The following NELL1 variants were observed in gnomAD, a reference collection of about 807,000 sequenced individuals.
The protein encoded by NELL1 is neural EGFL like 1.
A neutral mutation model predicts 107.4 loss-of-function variants in NELL1; 76 were observed. That is an observed-to-expected ratio of 0.71 (90% CI 0.59 to 0.86). The LOEUF (loss-of-function observed/expected upper bound fraction) is 0.86, where lower values mean the gene tolerates loss of function less well. Ranked by LOEUF, NELL1 falls within the 40% of genes least tolerant of loss-of-function variation. The probability of loss-of-function intolerance (pLI) is 0.00; values close to 1 mark genes in which losing one functional copy is unlikely to be tolerated. For synonymous variants in NELL1, 353 were observed against 341.2 expected, an observed-to-expected ratio of 1.03 and a Z score of -0.38; for missense variants, 1,024 against 1,005.5, an observed-to-expected ratio of 1.02 and a Z score of -0.25.
chr11:20,736,047 A>T (rs1417771919), intron 2 of NELL1, among the ~76,000 whole-genome samples: 1 of 152,142 alleles, frequency 6.6e-6, no homozygotes, highest in Non-Finnish European at 1.5e-5. Context: ...GGAAAGGGAG[A>T]GGATAATGAA....
intron 15 of NELL1, among the ~76,000 whole-genome samples, chr11:21,470,173 T>A (rs190246012): frequency 2.7e-4 from 41 of 152,170 alleles, no homozygotes; most frequent in Admixed American, 6.6e-5. Flanking sequence ...TGCAGAAACA[T>A]GATCAAGGTT....
At chr11:21,027,704 C>T (rs190337091) in intron 12 of NELL1, among the ~76,000 whole-genome samples, 34 of 152,188 alleles carry the variant, frequency 2.2e-4, no homozygotes, top group African/African-American at 8.2e-4. Flanking sequence ...GGGGAAGGGC[C>T]GTTTTAAAAA....
chr11:20,786,779 T>C lies in NELL1; in HGVS notation c.335+2949T>C, dbSNP rs576086042. 7.2e-3 allele frequency among the ~76,000 whole-genome samples: 1,097 copies of C among 151,766 alleles called. 7 individuals are homozygous for C. Among genetic ancestry groups the C allele is most frequent in the Non-Finnish European group, 0.011 (767 of 67,894 alleles). On this transcript the variant is annotated intron_variant, in intron 3 of 19. Coordinates refer to ENST00000357134, the MANE Select transcript of NELL1 (RefSeq NM_006157.5). ...ATCCCAGCACTTTGGGAGGCCAAGG[T>C]GGGCATATCACAAGGTCAGGAGATC...
intron 2 of NELL1, among the ~76,000 whole-genome samples, chr11:20,745,846 A>G (rs530697573): frequency 4.6e-5 from 7 of 152,336 alleles, no homozygotes; most frequent in African/African-American, 1.7e-4. Context: ...CCAAGAACAC[A>G]TAGGAAGTAA....
chr11:21,377,261 T>C (rs377732732), intron 15 of NELL1, among the ~76,000 whole-genome samples: 5 of 152,112 alleles, frequency 3.3e-5, no homozygotes, highest in East Asian at 1.9e-4. Context: ...TGAAGAGATA[T>C]TGGATTTTAT....
chr11:21,489,271 T>C (rs1854725968), intron 15 of NELL1, among the ~76,000 whole-genome samples: 1 of 148,888 alleles, frequency 6.7e-6, no homozygotes, highest in Admixed American at 6.9e-5. Context: ...AGTAGTCAGA[T>C]TGAATCAGTA....
intron 12 of NELL1, among the ~76,000 whole-genome samples, chr11:20,976,050 A>G (rs937533473): frequency 6.8e-6 from 1 of 145,988 alleles, no homozygotes; most frequent in Non-Finnish European, 1.5e-5. Context: ...TTACATTTAT[A>G]TATACATATA....
chr11:21,528,917 G>A (rs1855927067), intron 15 of NELL1, among the ~76,000 whole-genome samples: 1 of 151,822 alleles, frequency 6.6e-6, no homozygotes, highest in East Asian at 1.9e-4. Context: ...TTTTTTCCTT[G>A]TTTGCTTGTT....
intron 14 of NELL1, among the ~76,000 whole-genome samples, chr11:21,253,571 T>A (rs189610722): frequency 1.3e-5 from 2 of 152,282 alleles, no homozygotes; most frequent in African/African-American, 4.8e-5. Flanking sequence ...TGGAATATAT[T>A]CTTCTTCCAA....
chr11:21,501,075 A>T (rs1855128207), intron 15 of NELL1, among the ~76,000 whole-genome samples: 1 of 152,172 alleles, frequency 6.6e-6, no homozygotes, highest in African/African-American at 2.4e-5. Flanking sequence ...TCACATAATA[A>T]TATCTTAATG....
chr11:21,529,863 T>C (rs1469778057), intron 15 of NELL1, among the ~76,000 whole-genome samples: 2 of 152,216 alleles, frequency 1.3e-5, no homozygotes, highest in Non-Finnish European at 2.9e-5. Context: ...GATTTTATCA[T>C]TCTCAACCTA....
At chr11:20,742,565 A>G (rs568964099) in intron 2 of NELL1, among the ~76,000 whole-genome samples, 13 of 152,280 alleles carry the variant, frequency 8.5e-5, no homozygotes, top group Admixed American at 6.5e-4. Context: ...AGGCCTCACA[A>G]TCATGGCAGA....
intron 14 of NELL1, among the ~76,000 whole-genome samples, chr11:21,285,237 C>G (rs1323318560): frequency 6.6e-6 from 1 of 152,136 alleles, no homozygotes; most frequent in African/African-American, 2.4e-5. Flanking sequence ...ACAATTCTCC[C>G]TTCTCTACGA....
intron 15 of NELL1, among the ~76,000 whole-genome samples, chr11:21,523,899 A>G (rs1483401734): frequency 6.6e-6 from 1 of 152,020 alleles, no homozygotes; most frequent in Non-Finnish European, 1.5e-5. Context: ...GTGTGTGTAT[A>G]TATATATGAG....
intron 16 of NELL1, among the ~76,000 whole-genome samples, chr11:21,546,250 CT>C (rs1856438781): frequency 6.6e-6 from 1 of 151,942 alleles, no homozygotes; most frequent in South Asian, 2.1e-4. Flanking sequence ...CACTGCTTTC[CT>C]TTGTCAGTTT....
intron 4 of NELL1, among the ~76,000 whole-genome samples, chr11:20,852,449 C>T (rs1171291571): frequency 6.6e-6 from 1 of 152,280 alleles, no homozygotes; most frequent in Non-Finnish European, 1.5e-5. Context: ...ATGTGAGCAT[C>T]TGTTTATATG....
chr11:21,569,024 C>A (rs1028354415), intron 17 of NELL1, among the ~76,000 whole-genome samples: 13 of 151,862 alleles, frequency 8.6e-5, no homozygotes, highest in Admixed American at 3.9e-4. Context: ...ATACAACTGG[C>A]AGCTCAGTAG....
rs1475934576 is a variant in NELL1 at position 21,284,676 on chromosome 11, G to A, written c.1549+55222G>A. On this transcript the variant is annotated intron_variant, in intron 14 of 19. Coordinates refer to ENST00000357134, the MANE Select transcript of NELL1 (RefSeq NM_006157.5). ...TGGTGGGGCAGGCCTTGTGCCTGGA[G>A]CCAACTATGTCTATATGTATGCAGT... is the stretch of plus-strand genomic sequence containing the variant. The A allele has an allele frequency of 7.9e-6, 3 of 379,038 alleles. No homozygotes were observed. In the East Asian group the frequency reaches 2.2e-4, roughly 28 times the overall value. The allele number at this position is 379,038 out of a possible 1,614,324, so 23.5% of individuals were successfully genotyped here.
chr11:21,104,843 G>T (rs897675245), intron 12 of NELL1, among the ~76,000 whole-genome samples: 2 of 152,160 alleles, frequency 1.3e-5, no homozygotes, highest in Non-Finnish European at 2.9e-5. Context: ...GAGGCTGATA[G>T]TCTGGGCGCC....
Sources: allele counts gnomAD v4.1 joint callset (sites outside exome capture counted in the v4.1 genomes callset), GRCh38; gene constraint gnomAD v4.1.1; transcripts MANE v1.5; gene names NCBI Gene and HGNC (gene_info 2026-07-23, HGNC 2026-07-21).